The following TOX2 variants were observed in gnomAD, a reference collection of about 807,000 sequenced individuals.
The protein encoded by TOX2 is TOX high mobility group box family member 2.
A neutral mutation model predicts 47.4 loss-of-function variants in TOX2; 15 were observed. The observed-to-expected ratio is 0.32, with a 90% CI of 0.21 to 0.49. The LOEUF is 0.49. Among genes scored for constraint, TOX2 ranks in the 20% least tolerant of loss-of-function variants. The pLI, the probability that TOX2 is intolerant of heterozygous loss-of-function variation, is 0.99. For synonymous variants in TOX2, 290 were observed against 296.6 expected (o/e 0.98, Z 0.23); for missense variants, 622 against 673.1 (o/e 0.92, Z 0.84).
intron 3 of TOX2, among the ~76,000 whole-genome samples, chr20:44,037,062 C>A (rs746593449): frequency 2.0e-5 from 3 of 152,208 alleles, no homozygotes; most frequent in African/African-American, 7.2e-5. Context: ...TCAAGCGATT[C>A]TCCTGCCTCA....
intron 8 of TOX2, among the ~76,000 whole-genome samples, chr20:44,067,786 C>T (rs1334771969): frequency 6.6e-6 from 1 of 152,158 alleles, no homozygotes; most frequent in Non-Finnish European, 1.5e-5. Flanking sequence ...GGGACACTTG[C>T]TCCTTAACCC....
intron 2 of TOX2, among the ~76,000 whole-genome samples, chr20:43,987,243 C>T (rs1600710814): frequency 6.6e-6 from 1 of 152,098 alleles, no homozygotes; most frequent in Non-Finnish European, 1.5e-5. Flanking sequence ...CTCACAAACA[C>T]GTTGAGTGAA....
intron 2 of TOX2, among the ~76,000 whole-genome samples, chr20:43,976,062 C>T (rs1478112798): frequency 6.6e-6 from 1 of 152,252 alleles, no homozygotes; most frequent in Non-Finnish European, 1.5e-5. Flanking sequence ...TTAATTAAGT[C>T]TAGCCAGTGG....
intron 3 of TOX2, among the ~76,000 whole-genome samples, chr20:44,042,172 CAA>C (rs1280757803): frequency 3.9e-5 from 6 of 152,198 alleles, no homozygotes; most frequent in Non-Finnish European, 8.8e-5. Context: ...TGGCGGCAGA[CAA>C]GAGGGCTTGT....
intron 2 of TOX2, among the ~76,000 whole-genome samples, chr20:43,988,419 G>C (rs949217075): frequency 6.6e-6 from 1 of 152,182 alleles, no homozygotes; most frequent in African/African-American, 2.4e-5. Context: ...TTGTAGGCAT[G>C]CTCAGTGTAT....
rs2069057976 is a variant in TOX2, at chr20:43,916,568, G to A, written c.99+1578G>A. On this transcript the variant is annotated intron_variant, in intron 1 of 8. Transcript: ENST00000341197. The surrounding 1 kb of genome is among the most constrained non-coding windows in gnomAD (Gnocchi z 5.0). ...GGGGGGATGGTAGCCTCAGGAGAAG[G>A]CCGGGAGCTGCCTCCAGTCTGATGG... is the stretch of plus-strand genomic sequence containing the variant. Among the ~76,000 whole-genome samples the A allele has an allele frequency of 1.3e-5, 2 of 152,248 alleles. No individual in the cohort carries two copies. Among genetic ancestry groups the A allele is most frequent in the African/African-American group, 2.4e-5 (1 of 41,476 alleles).
At chr20:44,002,509 A>T (rs2070601045) in intron 2 of TOX2, among the ~76,000 whole-genome samples, 1 of 152,240 alleles carries the variant, frequency 6.6e-6, no homozygotes, top group South Asian at 2.1e-4. Context: ...CTGTAGATAC[A>T]TACTGTCATT....
At position 43,955,292 on chromosome 20, in the gene TOX2, C is replaced by T. The variant is rs2069648221; in HGVS notation, c.100-18075C>T. The T allele has an allele frequency of 4.1e-6, 4 of 985,302 alleles. No homozygotes were observed. The African/African-American group carries it at 5.2e-5, about 13-fold the overall frequency. The allele number at this position is 985,302 out of a possible 1,614,324, so 61.0% of individuals were successfully genotyped here. A position where few individuals can be genotyped will look rare whatever the true frequency, so the allele number is the denominator to read the frequency against. On this transcript the variant is annotated intron_variant, in intron 1 of 8. Transcript: ENST00000341197. Reference sequence around the variant, plus strand: ...GTGCATGTGAGTAGCTGCTGAAAACCCTCCTGGGTCACAGGAGGGCCCATG... The same window carrying T: ...GTGCATGTGAGTAGCTGCTGAAAACTCTCCTGGGTCACAGGAGGGCCCATG...
intron 4 of TOX2, 83 bp from the exon 5 acceptor site, chr20:44,054,216 A>G: frequency 7.0e-7 from 1 of 1,423,126 alleles, no homozygotes; most frequent in Non-Finnish European, 9.7e-7. Flanking sequence ...GGAGAAGTGC[A>G]GCTCGGCCCA....
intron 4 of TOX2, among the ~76,000 whole-genome samples, chr20:44,053,818 T>G (rs538958701): frequency 6.6e-6 from 1 of 151,360 alleles, no homozygotes; most frequent in Non-Finnish European, 1.5e-5. Context: ...ATTTCACAAC[T>G]CTGTAAAAGA....
intron 3 of TOX2, among the ~76,000 whole-genome samples, chr20:44,021,066 C>T (rs1391342632): frequency 1.3e-5 from 2 of 152,094 alleles, no homozygotes; most frequent in Non-Finnish European, 2.9e-5. Flanking sequence ...TCCTGGGGTG[C>T]TTCATGGGCA....
chr20:44,068,641 C>G lies in TOX2; in HGVS notation c.1485-9C>G. 2 of 1,610,094 alleles carry G rather than the reference C, an allele frequency of 1.2e-6. No homozygotes were observed. Among genetic ancestry groups the G allele is most frequent in the Non-Finnish European group, 1.7e-6 (2 of 1,176,956 alleles). ...CAACAGCTTTGACAGCCCCTCCTCT[C>G]TCTCACAGCCTGCTCCCCAGGGACA... is the stretch of plus-strand genomic sequence containing the variant. On this transcript the variant is annotated splice_polypyrimidine_tract_variant and intron_variant, in intron 8 of 8. Coordinates refer to ENST00000341197, the MANE Select transcript of TOX2 (RefSeq NM_001098797.2).
At chr20:44,004,185 G>A (rs992522751) in intron 2 of TOX2, among the ~76,000 whole-genome samples, 2 of 152,168 alleles carry the variant, frequency 1.3e-5, no homozygotes, top group African/African-American at 4.8e-5. Flanking sequence ...GAGGACACAG[G>A]GACACGGCAG....
chr20:44,033,900 C>CTAAT (rs1239537430), intron 3 of TOX2, among the ~76,000 whole-genome samples: 11 of 152,170 alleles, frequency 7.2e-5, no homozygotes, highest in Non-Finnish European at 1.5e-4. Flanking sequence ...AGAGTCTCTG[C>CTAAT]TGCCTTCTCA....
intron 5 of TOX2, among the ~76,000 whole-genome samples, chr20:44,054,753 C>T (rs36111836): frequency 0.13 from 19,354 of 152,046 alleles, 1,256 homozygotes; most frequent in East Asian, 0.14. Context: ...CTCTGCTTCC[C>T]GCAACTTAAC....
At position 43,915,011 on chromosome 20, in the gene TOX2, G is replaced by T. The variant is rs1373045103; in HGVS notation, c.99+21G>T. 1.7e-5 allele frequency: 21 copies of T among 1,232,604 alleles called. No individual in the cohort carries two copies. Among genetic ancestry groups the T allele is most frequent in the Non-Finnish European group, 1.8e-5 (18 of 985,588 alleles). 76.4% of individuals were successfully genotyped at this position (1,232,604 alleles called of 1,614,324 possible). A position where few individuals can be genotyped will look rare whatever the true frequency, so the allele number is the denominator to read the frequency against. On this transcript the variant is annotated intron_variant, in intron 1 of 8. Coordinates refer to ENST00000341197, the MANE Select transcript of TOX2 (RefSeq NM_001098797.2). The surrounding 1 kb of genome is among the most constrained non-coding windows in gnomAD (Gnocchi z 7.1). Reference sequence around the variant, plus strand: ...GCAAGGTAGGCGGGGGCGGGCGGGGGTCCCCGGCGGGCGGGGCCGGAGTCA... The same window carrying T: ...GCAAGGTAGGCGGGGGCGGGCGGGGTTCCCCGGCGGGCGGGGCCGGAGTCA...
intron 5 of TOX2, among the ~76,000 whole-genome samples, chr20:44,057,263 C>T (rs11699417): frequency 0.066 from 9,973 of 152,192 alleles, 445 homozygotes; most frequent in African/African-American, 0.14. Flanking sequence ...ATTTCTAATT[C>T]TGTTTTCTTT....
intron 3 of TOX2, among the ~76,000 whole-genome samples, chr20:44,026,251 A>ATATATAT (rs1244142038): frequency 1.5e-5 from 1 of 65,560 alleles, no homozygotes; most frequent in Admixed American, 1.2e-4. Context: ...ATATATATAG[A>ATATATAT]CACACACACA....
chr20:43,975,203 C>T (rs1382418049), intron 2 of TOX2, among the ~76,000 whole-genome samples: 4 of 152,054 alleles, frequency 2.6e-5, no homozygotes, highest in African/African-American at 9.7e-5. Flanking sequence ...AATGTCCTTC[C>T]ACCAAGAAGG....
Sources: gnomAD v4.1 joint callset for allele counts (sites outside exome capture counted in the v4.1 genomes callset) on GRCh38, gnomAD v4.1.1 for gene constraint, Gnocchi (gnomAD v3.1) non-coding constraint, MANE v1.5 for transcripts, NCBI Gene and HGNC (gene_info 2026-07-23, HGNC 2026-07-21) for gene names.